Variants in KAZN observed in about 807,000 individuals in gnomAD.
KAZN encodes the protein kazrin.
A neutral mutation model predicts 87.4 loss-of-function variants in KAZN; 40 were observed. The observed-to-expected ratio is 0.46, with a 90% CI of 0.36 to 0.60. KAZN has a LOEUF of 0.60. Among genes scored for constraint, KAZN ranks in the 20% least tolerant of loss-of-function variants. KAZN has a pLI of 0.00. For synonymous variants in KAZN, 466 were observed against 458.3 expected (o/e 1.02, Z -0.22); for missense variants, 898 against 1,073.9 (o/e 0.84, Z 2.29).
intron 1 of KAZN, among the ~76,000 whole-genome samples, chr1:13,931,258 A>T (rs1411585143): frequency 6.6e-6 from 1 of 152,234 alleles, no homozygotes; most frequent in Non-Finnish European, 1.5e-5. Context: ...CACAGCTGTA[A>T]TGGTCCAGGT....
intron 1 of KAZN, among the ~76,000 whole-genome samples, chr1:14,143,505 C>G (rs1645284288): frequency 6.6e-6 from 1 of 152,208 alleles, no homozygotes; most frequent in East Asian, 1.9e-4. Flanking sequence ...CCTGCGCCCT[C>G]ATACACAGGC....
intron 1 of KAZN, among the ~76,000 whole-genome samples, chr1:14,686,150 C>A (rs1219305828): frequency 6.6e-6 from 1 of 152,180 alleles, no homozygotes; most frequent in Non-Finnish European, 1.5e-5. Flanking sequence ...CTCACTGCAA[C>A]CTCCACCTCC....
intron 1 of KAZN, among the ~76,000 whole-genome samples, chr1:14,770,760 C>T (rs775021181): frequency 2.2e-4 from 34 of 152,164 alleles, no homozygotes; most frequent in Non-Finnish European, 4.3e-4. Flanking sequence ...AATTTTCAAA[C>T]ACGTTAGGCC....
At chr1:14,222,428 CT>C (rs1248208035) in intron 2 of KAZN, among the ~76,000 whole-genome samples, 2 of 152,188 alleles carry the variant, frequency 1.3e-5, no homozygotes, top group African/African-American at 4.8e-5. Context: ...CTGGTTAAAG[CT>C]TCGCTTTTCT....
chr1:14,441,875 G>A lies in KAZN; in HGVS notation c.250-157108G>A, dbSNP rs376281709. On this transcript the variant is annotated intron_variant, in intron 2 of 16. Coordinates refer to the KAZN transcript ENST00000636203. ...GTATGGTAAAGGCAACACTGGACCCGTAGCCAGAAGATCTAAGTTAAGTAA... is the reference window on the plus strand; with the variant it reads ...GTATGGTAAAGGCAACACTGGACCCATAGCCAGAAGATCTAAGTTAAGTAA... Among the ~76,000 whole-genome samples the A allele has an allele frequency of 2.6e-4, 40 of 152,308 alleles. No homozygotes were observed. The East Asian group carries it at 2.7e-3, about 10-fold the overall frequency.
At chr1:14,557,802 G>A (rs12031919) in intron 2 of KAZN, among the ~76,000 whole-genome samples, 42,154 of 151,884 alleles carry the variant, frequency 0.28, 6,646 homozygotes, top group East Asian at 0.58. Flanking sequence ...CTAGAATGAA[G>A]AGAGTGATGG....
At chr1:14,918,253 A>T (rs1421039535) in intron 1 of KAZN, among the ~76,000 whole-genome samples, 2 of 152,140 alleles carry the variant, frequency 1.3e-5, no homozygotes, top group Middle Eastern at 3.2e-3. Context: ...GGCTGCAAAG[A>T]GACTGTGGCT....
intron 1 of KAZN, among the ~76,000 whole-genome samples, chr1:14,835,382 G>A (rs1426505533): frequency 6.6e-6 from 1 of 152,180 alleles, no homozygotes; most frequent in Non-Finnish European, 1.5e-5. Flanking sequence ...CAGCTCCAGA[G>A]AGTGTTTCTT....
intron 2 of KAZN, among the ~76,000 whole-genome samples, chr1:14,337,327 G>A (rs1657341448): frequency 6.6e-6 from 1 of 152,206 alleles, no homozygotes; most frequent in Non-Finnish European, 1.5e-5. Context: ...GGTATTGAAA[G>A]CATCCATACT....
At chr1:14,185,948 G>A (rs1209449934) in intron 2 of KAZN, among the ~76,000 whole-genome samples, 2 of 152,134 alleles carry the variant, frequency 1.3e-5, no homozygotes, top group South Asian at 2.1e-4. Context: ...GACACAGGTC[G>A]AGTTGGAAAT....
intron 1 of KAZN, among the ~76,000 whole-genome samples, chr1:14,698,088 C>T (rs993183048): frequency 1.3e-5 from 2 of 152,218 alleles, no homozygotes; most frequent in African/African-American, 4.8e-5. Flanking sequence ...GTATTCTACC[C>T]AAGGACTGTT....
In KAZN at chr1:15,034,822, C is replaced by T. The variant is rs373501471; in HGVS notation, c.492C>T (p.Ala164=). The part of the protein sequence containing the change: ...DLVSQMQQLY[A]TLESREEQLR... ...TGAGCCAGATGCAGCAGCTGTATGC[C>T]ACACTGGAGAGCCGCGAGGAGCAGC... is the stretch of plus-strand genomic sequence containing the variant. Residue 164 remains alanine (A), a synonymous_variant, in exon 3 of 15, where the codon GCC becomes GCT. Transcript: ENST00000376030. The T allele has an allele frequency of 8.1e-6, 13 of 1,614,070 alleles. No homozygotes were observed. In the African/African-American group the frequency reaches 1.5e-4, roughly 18 times the overall value.
At chr1:14,291,301 C>T (rs1157254264) in intron 2 of KAZN, among the ~76,000 whole-genome samples, 1 of 152,194 alleles carries the variant, frequency 6.6e-6, no homozygotes, top group Admixed American at 6.5e-5. Flanking sequence ...GTGGAATCTA[C>T]AGGAGCAATA....
intron 1 of KAZN, among the ~76,000 whole-genome samples, chr1:14,822,071 T>C (rs1646751108): frequency 6.6e-6 from 1 of 152,240 alleles, no homozygotes; most frequent in African/African-American, 2.4e-5. Context: ...ATGATTTTTC[T>C]CCTGGAGTTT....
intron 1 of KAZN, among the ~76,000 whole-genome samples, chr1:14,743,562 T>C (rs575219013): frequency 3.7e-4 from 56 of 152,248 alleles, no homozygotes; most frequent in African/African-American, 1.2e-3. Flanking sequence ...AGAAACAAAA[T>C]GAACCCTTCA....
intron 1 of KAZN, among the ~76,000 whole-genome samples, chr1:14,673,275 G>T (rs77155594): frequency 0.034 from 5,206 of 152,258 alleles, 111 homozygotes; most frequent in Middle Eastern, 0.082. Context: ...TGGATTCTGC[G>T]AGGAACTGAC....
chr1:14,465,898 A>G (rs2148358091), intron 2 of KAZN, among the ~76,000 whole-genome samples: 1 of 152,306 alleles, frequency 6.6e-6, no homozygotes, highest in African/African-American at 2.4e-5. Flanking sequence ...GTCCCGTATG[A>G]TTATAATACT....
chr1:14,109,081 G>T (rs1644442815), intron 1 of KAZN, among the ~76,000 whole-genome samples: 2 of 152,192 alleles, frequency 1.3e-5, no homozygotes, highest in Non-Finnish European at 2.9e-5. Flanking sequence ...AAGGACCAAA[G>T]TCCTGTGTCA....
At chr1:14,889,912 T>G (rs1164898791) in intron 1 of KAZN, among the ~76,000 whole-genome samples, 2 of 152,228 alleles carry the variant, frequency 1.3e-5, no homozygotes, top group Non-Finnish European at 2.9e-5. Context: ...TGACAAAATA[T>G]GGCAACTAGC....
Sources: allele counts gnomAD v4.1 joint callset (sites outside exome capture counted in the v4.1 genomes callset), GRCh38; gene constraint gnomAD v4.1.1; transcripts MANE v1.5; gene names NCBI Gene and HGNC (gene_info 2026-07-23, HGNC 2026-07-21).